Variants in CTDP1 observed in about 807,000 individuals in gnomAD.
CTDP1 encodes RNA polymerase II subunit A C-terminal domain phosphatase.
CTDP1 carries 47 observed loss-of-function variants against 91.8 expected under a neutral mutation model. That is an observed-to-expected ratio of 0.51 (90% CI 0.41 to 0.65). The LOEUF (loss-of-function observed/expected upper bound fraction) is 0.65. Ranked by LOEUF, CTDP1 falls within the 30% of genes least tolerant of loss-of-function variation. CTDP1 has a pLI of 0.00. For missense variants in CTDP1, 1,272 were observed against 1,373.7 expected, an observed-to-expected ratio of 0.93 and a Z score of 1.17; for synonymous variants, 656 against 598.5, an observed-to-expected ratio of 1.10 and a Z score of -1.40.
downstream of CTDP1, chr18:79,756,065 T>G (rs2087089451): frequency 6.6e-6 from 1 of 152,530 alleles, no homozygotes; most frequent in Non-Finnish European, 1.5e-5. Flanking sequence ...CCCCAGGCTC[T>G]GGGATCGCCC....
intron 10 of CTDP1, among the ~76,000 whole-genome samples, chr18:79,722,207 G>T (rs941781423): frequency 6.6e-6 from 1 of 152,240 alleles, no homozygotes; most frequent in Non-Finnish European, 1.5e-5. Context: ...TGGTAAGCTG[G>T]ATTTGAATGA....
intron 10 of CTDP1, among the ~76,000 whole-genome samples, chr18:79,723,271 G>A (rs1599272806): frequency 6.6e-6 from 1 of 152,174 alleles, no homozygotes; most frequent in Non-Finnish European, 1.5e-5. Flanking sequence ...CCGTCTCACA[G>A]TGGGTCCCGT....
chr18:79,735,241 G>A (rs925159524), intron 11 of CTDP1, among the ~76,000 whole-genome samples: 7 of 152,166 alleles, frequency 4.6e-5, no homozygotes, highest in African/African-American at 1.2e-4. Context: ...GGGTTAGGTC[G>A]GCGTCGGTGA....
At chr18:79,728,390 G>T (rs539131342) in intron 10 of CTDP1, among the ~76,000 whole-genome samples, 2 of 152,186 alleles carry the variant, frequency 1.3e-5, no homozygotes, top group South Asian at 4.1e-4. Flanking sequence ...ATGAGCCACC[G>T]TGCTGACCTG....
intron 12 of CTDP1, among the ~76,000 whole-genome samples, chr18:79,741,521 G>T (rs2086777934): frequency 6.6e-6 from 1 of 152,246 alleles, no homozygotes; most frequent in Non-Finnish European, 1.5e-5. Flanking sequence ...AACAGCTGAT[G>T]ATGGCTCCCT....
chr18:79,703,265 C>G (rs1375920199), intron 4 of CTDP1, among the ~76,000 whole-genome samples: 1 of 152,194 alleles, frequency 6.6e-6, no homozygotes, highest in Non-Finnish European at 1.5e-5. Flanking sequence ...AACAGAGTAG[C>G]TTCTTCATGA....
Position 79,749,761 on chromosome 18 carries a change from T to C in CTDP1, c.2748-3891T>C, listed in dbSNP as rs752370298. The C allele has an allele frequency of 4.6e-5, 7 of 152,220 alleles. No individual in the cohort carries two copies. The South Asian group carries it at 1.2e-3, about 27-fold the overall frequency. 9.4% of individuals were successfully genotyped at this position (152,220 alleles called of 1,614,324 possible). A position where few individuals can be genotyped will look rare whatever the true frequency, so the allele number is the denominator to read the frequency against. On this transcript the variant is annotated intron_variant, in intron 12 of 12. Transcript: ENST00000613122. ...GCAGCACCTTCACGTTTACGAGAAC[T>C]GTCTCTGTCTTGTTTTGTTTCAAGT...
intron 3 of CTDP1, among the ~76,000 whole-genome samples, chr18:79,696,850 C>T (rs115502459): frequency 0.019 from 2,874 of 152,304 alleles, 99 homozygotes; most frequent in African/African-American, 0.065. Context: ...TCTCCCCGAC[C>T]TCGCTTCACC....
chr18:79,691,465 G>T (rs1465215689), intron 1 of CTDP1, among the ~76,000 whole-genome samples: 1 of 152,058 alleles, frequency 6.6e-6, no homozygotes, highest in Non-Finnish European at 1.5e-5. Context: ...GCAGGACTCG[G>T]GCTGGGGAAC....
At chr18:79,723,946 G>A (rs956312144) in intron 10 of CTDP1, among the ~76,000 whole-genome samples, 2 of 152,232 alleles carry the variant, frequency 1.3e-5, no homozygotes, top group African/African-American at 2.4e-5. Context: ...CTCTTGCGGA[G>A]CCGGGTCTCA....
rs1010705053 is a variant in CTDP1, at chr18:79,680,368, G to T, written c.314+107G>T. On this transcript the variant is annotated intron_variant, in intron 1 of 12. Coordinates refer to ENST00000613122, the MANE Select transcript of CTDP1 (RefSeq NM_004715.5). ...CGGTGGGCAGGGGCGCCCCTGGTGA[G>T]GGAGCGATAAAGCGGGACGCAGGCA... The T allele has an allele frequency of 2.9e-5, 27 of 925,440 alleles. No individual in the cohort carries two copies. The East Asian group carries it at 9.4e-4, about 32-fold the overall frequency. The allele number at this position is 925,440 out of a possible 1,614,324, so 57.3% of individuals were successfully genotyped here. A position where few individuals can be genotyped will look rare whatever the true frequency, so the allele number is the denominator to read the frequency against.
intron 12 of CTDP1, among the ~76,000 whole-genome samples, chr18:79,752,430 G>C (rs71367534): frequency 2.6e-5 from 2 of 76,264 alleles, no homozygotes. Flanking sequence ...GCAGAGGCTC[G>C]TAAGGAAAGC....
At chr18:79,692,441 G>C (rs2085645042) in intron 1 of CTDP1, among the ~76,000 whole-genome samples, 2 of 152,210 alleles carry the variant, frequency 1.3e-5, no homozygotes, top group Non-Finnish European at 1.5e-5. Flanking sequence ...TGAGATTCTA[G>C]GTTTTCTGAA....
intron 10 of CTDP1, among the ~76,000 whole-genome samples, chr18:79,726,334 A>G (rs935077526): frequency 9.9e-5 from 15 of 151,976 alleles, no homozygotes; most frequent in East Asian, 1.9e-4. Context: ...TGTATCTTCT[A>G]TTTCTTTGCC....
intron 8 of CTDP1, 111 bp from the exon 9 acceptor site, chr18:79,717,424 T>G: frequency 3.3e-6 from 5 of 1,498,904 alleles, no homozygotes; most frequent in Non-Finnish European, 4.6e-6. Flanking sequence ...GTGAGGGCCC[T>G]GAGCCCTGGT....
At chr18:79,735,783 C>G (rs954102170) in intron 11 of CTDP1, 3 of 160,098 alleles carry the variant, frequency 1.9e-5, no homozygotes, top group African/African-American at 7.2e-5. Context: ...TCACACGTGT[C>G]AGGCGTGGGG....
intron 1 of CTDP1, among the ~76,000 whole-genome samples, chr18:79,690,088 C>T (rs1164731431): frequency 3.3e-5 from 5 of 152,176 alleles, no homozygotes; most frequent in Non-Finnish European, 7.3e-5. Context: ...ACACTCTTCC[C>T]TCTAAATACA....
rs762213221 is a variant in CTDP1, at chr18:79,724,908, G to A, written c.2418-3999G>A. Among the ~76,000 whole-genome samples the A allele has an allele frequency of 3.9e-5, 6 of 152,274 alleles. 1 individual carries two copies. In the Middle Eastern group the frequency reaches 0.017, roughly 432 times the overall value. On this transcript the variant is annotated intron_variant, in intron 10 of 12. Coordinates refer to ENST00000613122, the MANE Select transcript of CTDP1 (RefSeq NM_004715.5). ...CCTCCATGGCTGCTTCTGCCGCAGC[G>A]TCTCGAGGGCACTCAGGTGCACCTG...
intron 10 of CTDP1, among the ~76,000 whole-genome samples, chr18:79,727,677 T>G (rs1299924442): frequency 6.6e-6 from 1 of 152,152 alleles, no homozygotes; most frequent in Non-Finnish European, 1.5e-5. Flanking sequence ...GTCTTTTTAG[T>G]TTTGTGACTT....
Sources: gnomAD v4.1 joint callset for allele counts (sites outside exome capture counted in the v4.1 genomes callset) on GRCh38, gnomAD v4.1.1 for gene constraint, MANE v1.5 for transcripts, NCBI Gene and HGNC (gene_info 2026-07-23, HGNC 2026-07-21) for gene names.